FER1L6: variants seen among roughly 807,000 people sequenced by gnomAD.
FER1L6 encodes the protein fer-1-like protein 6.
In FER1L6, 177 loss-of-function variants were observed where a neutral mutation model predicts 219.2. That is an observed-to-expected ratio of 0.81 (90% confidence interval 0.71 to 0.91). The LOEUF is 0.91. Among genes scored for constraint, FER1L6 ranks in the 40% least tolerant of loss-of-function variants. The pLI is 0.00. For missense variants in FER1L6, 2,153 were observed against 2,259.9 expected (o/e 0.95, Z 0.96); for synonymous variants, 768 against 824.3 (o/e 0.93, Z 1.17).
intron 1 of FER1L6, among the ~76,000 whole-genome samples, chr8:123,924,028 G>C (rs1813466260): frequency 6.6e-6 from 1 of 151,468 alleles, no homozygotes; most frequent in African/African-American, 2.4e-5. Context: ...GCCAAGGCAG[G>C]TGGATCACCT....
chr8:124,037,156 A>G (rs1819254570), intron 19 of FER1L6, among the ~76,000 whole-genome samples: 2 of 152,232 alleles, frequency 1.3e-5, no homozygotes, highest in African/African-American at 4.8e-5. Context: ...CACTGAGTAA[A>G]TGGTGCTCCC....
intron 2 of FER1L6, among the ~76,000 whole-genome samples, chr8:123,961,064 A>G (rs1187517051): frequency 1.3e-5 from 2 of 152,124 alleles, no homozygotes; most frequent in Admixed American, 1.3e-4. Context: ...CCTGCGCAAC[A>G]TAGTGAGACC....
intron 1 of FER1L6, chr8:123,939,278 C>T (rs1814133475): frequency 1.2e-6 from 1 of 845,946 alleles, no homozygotes; most frequent in Non-Finnish European, 1.4e-6. Context: ...AATTTTATTA[C>T]ATATTGTTAA....
chr8:124,039,028 C>T (rs1819344214), intron 19 of FER1L6, among the ~76,000 whole-genome samples: 1 of 152,194 alleles, frequency 6.6e-6, no homozygotes, highest in African/African-American at 2.4e-5. Flanking sequence ...ATGAACTCAA[C>T]TCTTACTTGA....
intron 1 of FER1L6, among the ~76,000 whole-genome samples, chr8:123,874,009 A>G (rs1418376913): frequency 6.6e-6 from 1 of 152,172 alleles, no homozygotes; most frequent in Non-Finnish European, 1.5e-5. Flanking sequence ...AGAACATCTT[A>G]TAATTACCAC....
intron 39 of FER1L6, among the ~76,000 whole-genome samples, chr8:124,113,219 T>C (rs1490749067): frequency 1.3e-5 from 2 of 152,190 alleles, no homozygotes; most frequent in Non-Finnish European, 2.9e-5. Flanking sequence ...CACAGAAAAG[T>C]TGAAATGGAA....
chr8:123,952,237 C>T (rs918108070), intron 1 of FER1L6, among the ~76,000 whole-genome samples: 1 of 152,318 alleles, frequency 6.6e-6, no homozygotes, highest in South Asian at 2.1e-4. Context: ...CCAGGGCCAG[C>T]TCCAGTGACA....
chr8:123,979,270 G>C (rs963857621), intron 10 of FER1L6, among the ~76,000 whole-genome samples: 1 of 152,148 alleles, frequency 6.6e-6, no homozygotes, highest in East Asian at 1.9e-4. Context: ...GCACTCAATT[G>C]ATAGTTTCTT....
intron 1 of FER1L6, among the ~76,000 whole-genome samples, chr8:123,953,394 A>T (rs1404194291): frequency 6.6e-6 from 1 of 152,202 alleles, no homozygotes; most frequent in Non-Finnish European, 1.5e-5. Flanking sequence ...CCGTAGAGTA[A>T]TTAAAGATCT....
intron 39 of FER1L6, among the ~76,000 whole-genome samples, chr8:124,106,916 A>T (rs1039515783): frequency 6.7e-6 from 1 of 148,734 alleles, no homozygotes; most frequent in Admixed American, 6.7e-5. Flanking sequence ...TAATTAATTG[A>T]CCCTAGTATA....
chr8:123,956,082 TGGGGGTGGGGTGCTGACCATTGG>T lies in FER1L6; in HGVS notation c.76+11_76+33del. On this transcript the variant is annotated intron_variant, in intron 2 of 40. Transcript: ENST00000522917. ...CCAACAAGGCTGCGAAAGGTGAGGC[TGGGGGTGGGGTGCTGACCATTGG>T]GGCCTGAGAGTCTCGCAGAGTGACC... 6.2e-7 allele frequency: 1 copy of T among 1,607,364 alleles called. No homozygotes were observed. The highest frequency in any genetic ancestry group is 1.1e-5 in the South Asian group (1 of 89,478).
chr8:123,883,986 T>A (rs1339244851), intron 1 of FER1L6, among the ~76,000 whole-genome samples: 1 of 152,214 alleles, frequency 6.6e-6, no homozygotes, highest in Non-Finnish European at 1.5e-5. Flanking sequence ...GAGCATGACA[T>A]ACACATGGTT....
At chr8:124,095,634 C>T (rs1025652318) in intron 35 of FER1L6, among the ~76,000 whole-genome samples, 22 of 152,148 alleles carry the variant, frequency 1.4e-4, no homozygotes, top group East Asian at 3.9e-4. Flanking sequence ...AGGACCTTTA[C>T]GTAAATTATC....
At chr8:124,037,018 T>C (rs916593260) in intron 19 of FER1L6, among the ~76,000 whole-genome samples, 2 of 152,182 alleles carry the variant, frequency 1.3e-5, no homozygotes, top group South Asian at 2.1e-4. Context: ...CAGACACATC[T>C]CTCATAACCA....
rs563015723 is a variant in FER1L6, at chr8:123,987,280, C to T, written c.1519+1104C>T. On this transcript the variant is annotated intron_variant, in intron 12 of 40. Transcript: ENST00000522917. ...TTCTCTGATGGTTAATGATGCTAAG[C>T]GCCTTTTCATATGCTTGTTTGCCAT... is the stretch of plus-strand genomic sequence containing the variant. Among the ~76,000 whole-genome samples, 10 of 152,230 alleles carry T rather than the reference C, an allele frequency of 6.6e-5. No homozygotes were observed. The South Asian group carries it at 1.4e-3, about 22-fold the overall frequency.
chr8:124,033,023 T>C (rs531084676), intron 18 of FER1L6, among the ~76,000 whole-genome samples: 1 of 152,316 alleles, frequency 6.6e-6, no homozygotes, highest in East Asian at 1.9e-4. Flanking sequence ...GCTCTAACCC[T>C]GATAACCTAT....
Position 124,045,864 on chromosome 8 carries a change from C to G in FER1L6, c.2687C>G (p.Pro896Arg). 6.2e-7 allele frequency: 1 copy of G among 1,614,030 alleles called. No homozygotes were observed. Among genetic ancestry groups the G allele is most frequent in the Admixed American group, 1.7e-5 (1 of 60,018 alleles). The change falls in exon 21 of 41, where the codon CCC becomes CGC. Residue 896 changes from proline to arginine, a missense_variant. Pro to Arg is a moderately radical substitution (Grantham distance 103, BLOSUM62 -2). Transcript: ENST00000522917. ...GDVKELAESP[P>R]LVVVELYDSD... ...GTGAAGGAGCTGGCAGAGTCCCCGC[C>G]CTTAGTGGTGGTGGAGCTGTATGAC...
intron 34 of FER1L6, among the ~76,000 whole-genome samples, chr8:124,094,363 A>G (rs1822183186): frequency 6.6e-6 from 1 of 151,974 alleles, no homozygotes. Context: ...CCTCTTGTGA[A>G]CTAGTCTTAT....
intron 1 of FER1L6, among the ~76,000 whole-genome samples, chr8:123,881,065 G>C (rs1198550284): frequency 6.6e-6 from 1 of 152,200 alleles, no homozygotes; most frequent in African/African-American, 2.4e-5. Flanking sequence ...AATGGTGACT[G>C]TTCACCTTGG....
Sources: allele counts gnomAD v4.1 joint callset (sites outside exome capture counted in the v4.1 genomes callset), GRCh38; gene constraint gnomAD v4.1.1; transcripts MANE v1.5; gene names NCBI Gene and HGNC (gene_info 2026-07-23, HGNC 2026-07-21).